ZHX2: variants seen among roughly 807,000 people sequenced by gnomAD.
ZHX2 encodes the protein zinc fingers and homeoboxes 2, also known as zinc fingers and homeoboxes protein 2.
ZHX2 carries 6 observed loss-of-function variants against 21.9 expected under a neutral mutation model. The ratio of observed to expected loss-of-function variants is 0.27; its 90% CI spans 0.15 to 0.54. ZHX2 has a LOEUF of 0.54. ZHX2 is among the 20% of genes least tolerant of loss of function. The pLI, the probability that ZHX2 is intolerant of heterozygous loss-of-function variation, is 0.95. For missense variants in ZHX2, 908 were observed against 1,090.7 expected (o/e 0.83, Z 2.36); for synonymous variants, 434 against 437.1 (o/e 0.99, Z 0.09).
chr8:122,848,036 G>A (rs1032977103), intron 1 of ZHX2, among the ~76,000 whole-genome samples: 10 of 152,216 alleles, frequency 6.6e-5, no homozygotes, highest in East Asian at 5.8e-4. Flanking sequence ...TAGAAAGTCC[G>A]CCGCAGGGAG....
At chr8:122,963,879 TG>T (rs778763618) in intron 3 of ZHX2, among the ~76,000 whole-genome samples, 5 of 151,296 alleles carry the variant, frequency 3.3e-5, no homozygotes, top group Non-Finnish European at 7.4e-5. Context: ...TTTTTTTTGT[TG>T]TTGTTTCTTT....
At chr8:122,891,270 TTGTGTGTGTGTGTGTGTGTGTGTGTG>T (rs59893492) in intron 2 of ZHX2, among the ~76,000 whole-genome samples, 3 of 77,736 alleles carry the variant, frequency 3.9e-5, no homozygotes, top group South Asian at 5.6e-4. Flanking sequence ...TCTTGGTAGA[TTGTGTGTGTGTGTGTGTGTGTGTGTG>T]TGTGTGTGTG....
intron 1 of ZHX2, among the ~76,000 whole-genome samples, chr8:122,789,828 T>C (rs1817476016): frequency 1.3e-5 from 2 of 151,014 alleles, no homozygotes; most frequent in South Asian, 4.1e-4. Flanking sequence ...GAACTGCCTG[T>C]TACTTTCTTC....
rs1817332829 is a variant in ZHX2 at position 122,783,453 on chromosome 8, G to A, written c.-283+1507G>A. 2.0e-5 allele frequency among the ~76,000 whole-genome samples: 3 copies of A among 152,054 alleles called. No homozygotes were observed. The South Asian group carries it at 6.2e-4, about 32-fold the overall frequency. On this transcript the variant is annotated intron_variant, in intron 1 of 3. Transcript: ENST00000314393. ...AGGATTCCTTCCCCCAGCACTTCTTGAATTGCCCAGACCTCCCACAATTAC... is the reference window on the plus strand; with the variant it reads ...AGGATTCCTTCCCCCAGCACTTCTTAAATTGCCCAGACCTCCCACAATTAC...
At chr8:122,891,734 C>T (rs966583392) in intron 2 of ZHX2, among the ~76,000 whole-genome samples, 2 of 152,054 alleles carry the variant, frequency 1.3e-5, no homozygotes, top group African/African-American at 2.4e-5. Flanking sequence ...TGTTCAGTTT[C>T]CAAAGTTTTT....
At position 122,930,644 on chromosome 8, in the gene ZHX2, G is replaced by GT. The variant is rs78138664; in HGVS notation, c.-219-20632dup. Among the ~76,000 whole-genome samples the GT allele has an allele frequency of 5.0e-3, 703 of 141,584 alleles. 3 individuals are homozygous for GT. Among genetic ancestry groups the GT allele is most frequent in the Admixed American group, 9.2e-3 (131 of 14,274 alleles). The allele number at this position is 141,584 out of a possible 152,430, so 92.9% of individuals were successfully genotyped here. A position where few individuals can be genotyped will look rare whatever the true frequency, so the allele number is the denominator to read the frequency against. ...CAGCCACCACGCCTGGCTAATTTTTGTTTTTTTTTTTTTTTTATTTTTTTC... is the reference window on the plus strand; with the variant it reads ...CAGCCACCACGCCTGGCTAATTTTTGTTTTTTTTTTTTTTTTTATTTTTTTC... On this transcript the variant is annotated intron_variant, in intron 2 of 3. Transcript: ENST00000314393.
At chr8:122,868,704 A>C (rs1029690748) in intron 2 of ZHX2, among the ~76,000 whole-genome samples, 33 of 150,148 alleles carry the variant, frequency 2.2e-4, no homozygotes, top group South Asian at 6.3e-4. Flanking sequence ...CCGTCAAAAA[A>C]AAAAAAAAAA....
At chr8:122,797,811 C>T (rs755771014) in intron 1 of ZHX2, among the ~76,000 whole-genome samples, 7 of 152,212 alleles carry the variant, frequency 4.6e-5, no homozygotes, top group Non-Finnish European at 7.4e-5. Context: ...TCCAGTCTGG[C>T]GTAAAGAAAA....
intron 1 of ZHX2, among the ~76,000 whole-genome samples, chr8:122,850,514 C>T (rs922285696): frequency 2.6e-5 from 4 of 152,050 alleles, no homozygotes; most frequent in Non-Finnish European, 4.4e-5. Context: ...GTGGTGCACA[C>T]CTGTAATCCC....
At chr8:122,801,343 G>A (rs1266228661) in intron 1 of ZHX2, among the ~76,000 whole-genome samples, 2 of 152,148 alleles carry the variant, frequency 1.3e-5, no homozygotes, top group Admixed American at 6.5e-5. Context: ...GTGACATGGA[G>A]TTTCATAAGT....
intron 2 of ZHX2, among the ~76,000 whole-genome samples, chr8:122,908,735 A>G (rs983931419): frequency 1.2e-4 from 18 of 152,230 alleles, no homozygotes; most frequent in African/African-American, 4.3e-4. Context: ...CTGAAAAAAC[A>G]CTTGCCAGTG....
intron 1 of ZHX2, among the ~76,000 whole-genome samples, chr8:122,811,028 C>A (rs751480823): frequency 3.3e-5 from 5 of 152,152 alleles, no homozygotes; most frequent in Non-Finnish European, 5.9e-5. Flanking sequence ...GCCCTGTTAC[C>A]TGACCAGGTT....
chr8:122,961,246 G>T (rs1813434903), intron 3 of ZHX2, among the ~76,000 whole-genome samples: 1 of 152,162 alleles, frequency 6.6e-6, no homozygotes, highest in Admixed American at 6.5e-5. Flanking sequence ...CATGGCTGGT[G>T]TCTCTTCTTT....
chr8:122,933,602 C>T (rs1244170937), intron 2 of ZHX2, among the ~76,000 whole-genome samples: 2 of 151,700 alleles, frequency 1.3e-5, no homozygotes, highest in African/African-American at 4.8e-5. Flanking sequence ...CAGGAATTAA[C>T]AGAAAAAATA....
chr8:122,916,796 A>G (rs1820614676), intron 2 of ZHX2, among the ~76,000 whole-genome samples: 1 of 151,842 alleles, frequency 6.6e-6, no homozygotes, highest in Non-Finnish European at 1.5e-5. Context: ...TGCTCCTAAC[A>G]TCCACATCCC....
In ZHX2 at chr8:122,952,566, G is replaced by A; in HGVS notation, c.1056G>A (p.Leu352=). ...PPTITVLPAQ[L]APTKVTQPIL... ...CCATCACTGTGCTGCCCGCCCAGTT[G>A]GCCCCCACAAAGGTGACGCAGCCCA... Residue 352 remains leucine (L), a synonymous_variant, in exon 3 of 4, where the codon TTG becomes TTA. Coordinates refer to ENST00000314393, the MANE Select transcript of ZHX2 (RefSeq NM_014943.5). The surrounding 1 kb of genome is among the most constrained non-coding windows in gnomAD (Gnocchi z 6.9). The A allele has an allele frequency of 6.2e-7, 1 of 1,614,170 alleles. No homozygotes were observed. The highest frequency in any genetic ancestry group is 8.5e-7 in the Non-Finnish European group (1 of 1,180,036).
intron 2 of ZHX2, among the ~76,000 whole-genome samples, chr8:122,913,187 T>A (rs1378929076): frequency 6.6e-6 from 1 of 152,274 alleles, no homozygotes; most frequent in East Asian, 1.9e-4. Context: ...ATACATGTTG[T>A]AAGCATGTAT....
intron 1 of ZHX2, among the ~76,000 whole-genome samples, chr8:122,860,751 G>A (rs1003406269): frequency 8.5e-5 from 13 of 152,118 alleles, no homozygotes; most frequent in South Asian, 2.1e-4. Flanking sequence ...ATATATCAGA[G>A]AGGGTCGGGC....
intron 2 of ZHX2, among the ~76,000 whole-genome samples, chr8:122,902,041 T>G (rs190356550): frequency 1.5e-4 from 23 of 152,326 alleles, no homozygotes; most frequent in Admixed American, 1.5e-3. Context: ...AAGAATGTTT[T>G]ATGAAGTTAG....
Sources: allele counts gnomAD v4.1 joint callset (sites outside exome capture counted in the v4.1 genomes callset), GRCh38; gene constraint gnomAD v4.1.1; non-coding constraint Gnocchi (gnomAD v3.1); transcripts MANE v1.5; gene names NCBI Gene and HGNC (gene_info 2026-07-23, HGNC 2026-07-21).